The following INPP5B variants were observed in gnomAD, a reference collection of about 807,000 sequenced individuals.
INPP5B encodes inositol polyphosphate-5-phosphatase B, also known as type II inositol 1,4,5-trisphosphate 5-phosphatase.
INPP5B carries 90 observed loss-of-function variants against 118.5 expected under a neutral mutation model. The observed-to-expected ratio is 0.76, with a 90% CI of 0.64 to 0.90. The LOEUF (loss-of-function observed/expected upper bound fraction) is 0.90. Among genes scored for constraint, INPP5B ranks in the 40% least tolerant of loss-of-function variants. The pLI is 0.00. For synonymous variants in INPP5B, 385 were observed against 418.9 expected, an observed-to-expected ratio of 0.92 and a Z score of 0.99; for missense variants, 984 against 1,125.6, an observed-to-expected ratio of 0.87 and a Z score of 1.80.
chr1:37,923,711 A>G (rs1188231729), intron 7 of INPP5B, among the ~76,000 whole-genome samples: 1 of 152,040 alleles, frequency 6.6e-6, no homozygotes, highest in Non-Finnish European at 1.5e-5. Context: ...AGAGTCAAGG[A>G]TACCCTGAGG....
intron 9 of INPP5B, among the ~76,000 whole-genome samples, chr1:37,888,627 A>C (rs1643672702): frequency 6.6e-6 from 1 of 152,168 alleles, no homozygotes; most frequent in Non-Finnish European, 1.5e-5. Context: ...CTGCATAATT[A>C]TTTGCCTTGT....
intron 7 of INPP5B, among the ~76,000 whole-genome samples, chr1:37,916,269 C>G (rs1644857344): frequency 6.6e-6 from 1 of 151,502 alleles, no homozygotes; most frequent in Non-Finnish European, 1.5e-5. Flanking sequence ...TATTTTTGAA[C>G]TTTTAGTAGA....
chr1:37,865,041 G>A (rs1399104795), intron 22 of INPP5B, among the ~76,000 whole-genome samples: 2 of 152,070 alleles, frequency 1.3e-5, no homozygotes, highest in African/African-American at 4.8e-5. Flanking sequence ...ACAAAAATTA[G>A]CCAGGCATGG....
chr1:37,902,715 AC>A (rs1332602770), intron 7 of INPP5B, among the ~76,000 whole-genome samples: 1 of 151,862 alleles, frequency 6.6e-6, no homozygotes, highest in Non-Finnish European at 1.5e-5. Flanking sequence ...GTGCCACCAC[AC>A]CCAGCTAATT....
At chr1:37,897,037 TCTG>T (rs1484562265) in intron 7 of INPP5B, among the ~76,000 whole-genome samples, 1 of 142,604 alleles carries the variant, frequency 7.0e-6, no homozygotes, top group Non-Finnish European at 1.5e-5. Context: ...GAGGGGCACC[TCTG>T]CCCGGCTGCC....
At chr1:37,915,004 A>G (rs1644818465) in intron 7 of INPP5B, among the ~76,000 whole-genome samples, 1 of 152,182 alleles carries the variant, frequency 6.6e-6, no homozygotes, top group African/African-American at 2.4e-5. Context: ...GGAGCAGCCT[A>G]CCTAGTAAGT....
At chr1:37,937,178 GCGT>G (rs1326199700) in intron 6 of INPP5B, among the ~76,000 whole-genome samples, 8 of 151,912 alleles carry the variant, frequency 5.3e-5, no homozygotes, top group Non-Finnish European at 8.8e-5. Flanking sequence ...AGGCATGGTG[GCGT>G]GCACCTGTAA....
At chr1:37,882,974 A>G in intron 13 of INPP5B, 56 bp from the exon 14 acceptor site, 1 of 1,592,974 alleles carries the variant, frequency 6.3e-7, no homozygotes, top group Non-Finnish European at 8.6e-7. Context: ...AACCTGATCT[A>G]CCCAGGGTGC....
intron 12 of INPP5B, among the ~76,000 whole-genome samples, chr1:37,886,029 T>G (rs1643511442): frequency 6.6e-6 from 1 of 151,638 alleles, no homozygotes; most frequent in Admixed American, 6.6e-5. Context: ...AATACAAAAA[T>G]TAGCTGGGTG....
chr1:37,871,081 C>T (rs1213462583), intron 19 of INPP5B, among the ~76,000 whole-genome samples: 1 of 150,172 alleles, frequency 6.7e-6, no homozygotes, highest in African/African-American at 2.5e-5. Context: ...CGCTTGCAAC[C>T]TGGACGGCAG....
intron 13 of INPP5B, chr1:37,884,261 G>A (rs1366069866): frequency 3.3e-5 from 5 of 151,992 alleles, no homozygotes; most frequent in African/African-American, 1.2e-4. Context: ...CTACAATATA[G>A]CCGTCAACTG....
intron 19 of INPP5B, among the ~76,000 whole-genome samples, chr1:37,869,283 G>A (rs1449027991): frequency 2.0e-5 from 3 of 150,440 alleles, no homozygotes; most frequent in Admixed American, 2.0e-4. Context: ...GTGAGCCACC[G>A]TGCCCGGCCC....
At chr1:37,897,734 AAAT>A (rs1644175207) in intron 7 of INPP5B, among the ~76,000 whole-genome samples, 1 of 151,922 alleles carries the variant, frequency 6.6e-6, no homozygotes, top group African/African-American at 2.4e-5. Context: ...GATCAATTAA[AAAT>A]AATGATAATA....
Position 37,862,737 on chromosome 1 carries a change from G to A in INPP5B, c.2627-307C>T, listed in dbSNP as rs1248824150. 2.0e-5 allele frequency among the ~76,000 whole-genome samples: 3 copies of A among 152,128 alleles called. No homozygotes were observed. The East Asian group carries it at 5.8e-4, about 29-fold the overall frequency. ...CATAGGAAAGGCACATCAAAAATAC[G>A]GTATTATGAGCTGGGTGTGGTGGCT... On this transcript the variant is annotated intron_variant, in intron 23 of 23. Coordinates refer to ENST00000373024, the MANE Select transcript of INPP5B (RefSeq NM_005540.3).
At chr1:37,895,897 C>A (rs559049891) in intron 7 of INPP5B, among the ~76,000 whole-genome samples, 5 of 152,350 alleles carry the variant, frequency 3.3e-5, no homozygotes, top group African/African-American at 1.2e-4. Context: ...CCTTGGCCTC[C>A]CAAAGTGCTG....
intron 7 of INPP5B, among the ~76,000 whole-genome samples, chr1:37,919,336 T>A (rs1570299292): frequency 1.3e-5 from 2 of 152,254 alleles, no homozygotes; most frequent in Non-Finnish European, 2.9e-5. Context: ...GCATCCCATT[T>A]CCAGCACACT....
intron 19 of INPP5B, among the ~76,000 whole-genome samples, chr1:37,868,824 T>G (rs1344674798): frequency 1.3e-5 from 2 of 152,214 alleles, no homozygotes; most frequent in East Asian, 3.9e-4. Flanking sequence ...GCAGTTTCAA[T>G]GAATCAGGTC....
Position 37,882,829 on chromosome 1 carries a change from T to G in INPP5B, c.1409A>C (p.Gln470Pro). ...VKKLIEEKDF[Q>P]MLYAYDQLKI... ...TACCTGATCATATGCATACAGCATT[T>G]GAAAGTCCTTCTCTTCGATGAGCTT... The change falls in exon 14 of 24, where the codon CAA becomes CCA. Residue 470 changes from glutamine to proline, a missense_variant. By Grantham distance (76) the Gln-to-Pro change is moderately conservative (BLOSUM62 -1). Around this residue, in one of 2 missense-constraint regions of INPP5B, gnomAD observed 634 missense variants for 791.0 expected, o/e 0.80. Transcript: ENST00000373024. The G allele has an allele frequency of 6.2e-7, 1 of 1,614,162 alleles. No individual in the cohort carries two copies. The highest frequency in any genetic ancestry group is 8.5e-7 in the Non-Finnish European group (1 of 1,179,992).
chr1:37,881,379 C>T (rs1364745004), intron 14 of INPP5B, among the ~76,000 whole-genome samples: 5 of 152,156 alleles, frequency 3.3e-5, no homozygotes, highest in African/African-American at 1.2e-4. Flanking sequence ...GGAGCGCCTT[C>T]CAGATCACAC....
Sources: allele counts gnomAD v4.1 joint callset (sites outside exome capture counted in the v4.1 genomes callset), GRCh38; gene constraint gnomAD v4.1.1; regional missense constraint gnomAD v4.1.1; transcripts MANE v1.5; gene names NCBI Gene and HGNC (gene_info 2026-07-23, HGNC 2026-07-21).